FREM1: variants seen among roughly 807,000 people sequenced by gnomAD.
FREM1 encodes FRAS1 related extracellular matrix 1.
Under a neutral mutation model 210.1 loss-of-function variants are expected in FREM1, and 220 were observed. The ratio of observed to expected loss-of-function variants is 1.05; its 90% CI spans 0.94 to 1.17. The LOEUF (loss-of-function observed/expected upper bound fraction) is 1.17. Among genes scored for constraint, FREM1 ranks in the 50% most tolerant of loss-of-function variants. FREM1 has a pLI of 0.00. For missense variants in FREM1, 3,454 were observed against 2,675.5 expected, an observed-to-expected ratio of 1.29 and a Z score of -6.42; for synonymous variants, 1,189 against 980.2, an observed-to-expected ratio of 1.21 and a Z score of -3.98.
rs200632142 is a variant in FREM1, at chr9:14,797,487, A to T, written c.3839+11T>A. 1 of 1,599,436 alleles carries T rather than the reference A, an allele frequency of 6.3e-7. No individual in the cohort carries two copies. On this transcript the variant is annotated intron_variant, in intron 21 of 36. Transcript: ENST00000380880. Reference sequence around the variant, plus strand: ...TAGAAATCTGAAAGGGACTCTTTTCAGGTAGCTTACTTGCTCAGCATTGGT... The same window carrying T: ...TAGAAATCTGAAAGGGACTCTTTTCTGGTAGCTTACTTGCTCAGCATTGGT...
chr9:14,908,481 A>G (rs1388211938), intron 1 of FREM1, among the ~76,000 whole-genome samples: 3 of 152,180 alleles, frequency 2.0e-5, no homozygotes, highest in Non-Finnish European at 4.4e-5. Flanking sequence ...GGAACATGGT[A>G]GTCAGGTCCC....
rs1199985285 is a variant in FREM1, at chr9:14,769,841, T to G, written c.5087A>C (p.Gln1696Pro). 1.3e-6 allele frequency: 2 copies of G among 1,567,650 alleles called. No homozygotes were observed. Among genetic ancestry groups the G allele is most frequent in the East Asian group, 4.6e-5 (2 of 43,136 alleles). Residue 1696 changes from glutamine to proline, a missense_variant, in exon 27 of 37, where the codon CAA becomes CCA. By Grantham distance (76) the Gln-to-Pro change is moderately conservative. Transcript: ENST00000380880. Reference sequence around the variant, plus strand: ...AATAGTCTTACTGTTTAAGTCCTTTTGGCTAAATTTCTCATGGATAAATTC... The same window carrying G: ...AATAGTCTTACTGTTTAAGTCCTTTGGGCTAAATTTCTCATGGATAAATTC... ...TGEFIHEKFS[Q>P]KDLNSKTILY...
chr9:14,889,271 T>C (rs1836358071), intron 1 of FREM1, among the ~76,000 whole-genome samples: 1 of 152,208 alleles, frequency 6.6e-6, no homozygotes. Flanking sequence ...CTGGTACCAA[T>C]TTCCACCCTC....
chr9:14,796,783 T>C (rs890653921), intron 21 of FREM1, among the ~76,000 whole-genome samples: 4 of 152,206 alleles, frequency 2.6e-5, no homozygotes, highest in Admixed American at 1.3e-4. Context: ...GTCATGATTG[T>C]AAGTTTCCTG....
intron 24 of FREM1, among the ~76,000 whole-genome samples, chr9:14,776,633 A>C (rs538187101): frequency 6.6e-6 from 1 of 152,352 alleles, no homozygotes; most frequent in Admixed American, 6.5e-5. Flanking sequence ...CTAAAGTTGT[A>C]AGTCTGACAA....
intron 17 of FREM1, 90 bp downstream of exon 17, chr9:14,807,850 T>C (rs1472524180): frequency 2.2e-6 from 2 of 922,232 alleles, no homozygotes; most frequent in Non-Finnish European, 3.1e-6. Flanking sequence ...GTTTTCTTTT[T>C]AGACTATAAA....
rs1034220422 is a variant in FREM1 at position 14,860,834 on chromosome 9, C to T, written c.330-1350G>A. Among the ~76,000 whole-genome samples the T allele has an allele frequency of 9.6e-5, 11 of 115,094 alleles. 1 individual carries two copies. Among genetic ancestry groups the T allele is most frequent in the East Asian group, 2.9e-4 (1 of 3,420 alleles). 75.5% of individuals were successfully genotyped at this position (115,094 alleles called of 152,430 possible). ...ATATATACACATATATACATATATA[C>T]GTATATATACATATATACGTATATA... On this transcript the variant is annotated intron_variant, in intron 3 of 36. Transcript: ENST00000380880.
chr9:14,812,718 C>T, intron 16 of FREM1, 94 bp downstream of exon 16: 2 of 1,291,046 alleles, frequency 1.5e-6, no homozygotes, highest in South Asian at 1.7e-5. Context: ...ATGGAAGTAA[C>T]CATTCTGACT....
At chr9:14,857,256 G>C (rs1235542606) in intron 5 of FREM1, among the ~76,000 whole-genome samples, 2 of 152,162 alleles carry the variant, frequency 1.3e-5, no homozygotes, top group African/African-American at 4.8e-5. Context: ...AAGCTGAAGA[G>C]TATTGGGAGT....
chr9:14,780,472 G>C (rs1003717208), intron 24 of FREM1, among the ~76,000 whole-genome samples: 45 of 137,432 alleles, frequency 3.3e-4, no homozygotes, highest in African/African-American at 1.1e-3. Context: ...ATGTCAAAAT[G>C]GAGGACATTA....
chr9:14,793,527 A>G lies in FREM1; in HGVS notation c.3840-643T>C, dbSNP rs952175524. 4.6e-5 allele frequency among the ~76,000 whole-genome samples: 7 copies of G among 152,306 alleles called. No homozygotes were observed. The East Asian group carries it at 1.4e-3, about 29-fold the overall frequency. On this transcript the variant is annotated intron_variant, in intron 21 of 36. Transcript: ENST00000380880. ...TGCTGCTGATCCTACCAGAGCCACC[A>G]CTGCTGTGGTTTCTATAGCTCCTTT...
chr9:14,784,399 G>T lies in FREM1; in HGVS notation c.4413C>A (p.Ser1471Arg). 6.2e-7 allele frequency: 1 copy of T among 1,613,720 alleles called. No individual in the cohort carries two copies. The stretch of plus-strand genomic sequence containing the variant: ...ATCTGTCACTGGAGACAGTCACCTT[G>T]CTCTTGTGTACATAGCAAACTGTCT... Reference protein sequence around the residue: ...VGQTVCYVHKSKVTVSSDRFR... With the variant: ...VGQTVCYVHKRKVTVSSDRFR... The change falls in exon 24 of 37, where the codon AGC becomes AGA. Residue 1471 changes from serine (S) to arginine (R), a missense_variant. Physicochemically the swap from Ser to Arg is moderately radical, Grantham distance 110. Coordinates refer to ENST00000380880, the MANE Select transcript of FREM1 (RefSeq NM_001379081.2).
chr9:14,832,670 CGGG>C (rs1219781519), intron 10 of FREM1, among the ~76,000 whole-genome samples: 1 of 152,088 alleles, frequency 6.6e-6, no homozygotes, highest in Non-Finnish European at 1.5e-5. Context: ...GTTGAGCTAG[CGGG>C]GAGGGAACCC....
Position 14,770,690 on chromosome 9 carries a change from T to C in FREM1, c.4974A>G (p.Ala1658=). The change falls in exon 26 of 37, where the codon GCA becomes GCG. Residue 1658 remains alanine, a synonymous_variant. Transcript: ENST00000380880. The part of the protein sequence containing the change: ...GIYITSRVLK[A]SDPDTEDDQI... ...GATCGTCCTCAGTGTCAGGGTCTGA[T>C]GCCTTCAACACGCGGGAAGTGATGT... 6.2e-7 allele frequency: 1 copy of C among 1,613,584 alleles called. No individual in the cohort carries two copies.
intron 29 of FREM1, among the ~76,000 whole-genome samples, chr9:14,754,521 C>A (rs945686773): frequency 6.6e-6 from 1 of 152,146 alleles, no homozygotes; most frequent in Non-Finnish European, 1.5e-5. Context: ...CGTCCTCACT[C>A]CCAGTACCTC....
chr9:14,900,686 C>T (rs1489241734), intron 1 of FREM1, among the ~76,000 whole-genome samples: 2 of 152,296 alleles, frequency 1.3e-5, no homozygotes, highest in East Asian at 1.9e-4. Flanking sequence ...CATGAGCAAA[C>T]GTTTCATTGG....
rs1386974325 is a variant in FREM1, at chr9:14,750,292, AT to A, written c.5408-17del. 6.3e-7 allele frequency: 1 copy of A among 1,588,384 alleles called. No homozygotes were observed. Among genetic ancestry groups the A allele is most frequent in the Admixed American group, 1.7e-5 (1 of 58,686 alleles). The stretch of plus-strand genomic sequence containing the variant: ...GTTGACATTCCTACAAGAAGTAAAC[AT>A]TTTAATTACTCTTTAATTGCTATTT... On this transcript the variant is annotated splice_polypyrimidine_tract_variant and intron_variant, in intron 29 of 36. Coordinates refer to ENST00000380880, the MANE Select transcript of FREM1 (RefSeq NM_001379081.2).
intron 14 of FREM1, among the ~76,000 whole-genome samples, chr9:14,818,606 T>C (rs942339038): frequency 2.0e-4 from 30 of 152,322 alleles, no homozygotes; most frequent in Admixed American, 4.6e-4. Flanking sequence ...CTAGATTTTG[T>C]AGGAAAGTTT....
At chr9:14,797,160 C>T (rs1852576318) in intron 21 of FREM1, among the ~76,000 whole-genome samples, 1 of 152,164 alleles carries the variant, frequency 6.6e-6, no homozygotes, top group South Asian at 2.1e-4. Flanking sequence ...ATATTAATTG[C>T]ACTTTGGTAG....
Sources: allele counts gnomAD v4.1 joint callset (sites outside exome capture counted in the v4.1 genomes callset), GRCh38; gene constraint gnomAD v4.1.1; transcripts MANE v1.5; gene names NCBI Gene and HGNC (gene_info 2026-07-23, HGNC 2026-07-21).